SCARB1: variants seen among roughly 807,000 people sequenced by gnomAD.
The protein encoded by SCARB1 is CD36 and LIMPII analogous 1.
A neutral mutation model predicts 57.2 loss-of-function variants in SCARB1; 30 were observed. The ratio of observed to expected loss-of-function variants is 0.52; its 90% confidence interval spans 0.39 to 0.71. The LOEUF is 0.71. Ranked by LOEUF, SCARB1 falls within the 30% of genes least tolerant of loss-of-function variation. SCARB1 has a pLI of 0.00. For synonymous variants in SCARB1, 249 were observed against 268.3 expected, an observed-to-expected ratio of 0.93 and a Z score of 0.70; for missense variants, 543 against 671.2, an observed-to-expected ratio of 0.81 and a Z score of 2.11.
intron 1 of SCARB1, among the ~76,000 whole-genome samples, chr12:124,850,576 G>A (rs910755847): frequency 2.6e-5 from 4 of 151,796 alleles, no homozygotes; most frequent in African/African-American, 9.7e-5. Flanking sequence ...AGGCTGAGGT[G>A]AGAGAATCGC....
chr12:124,850,367 T>C (rs570308732), intron 1 of SCARB1, among the ~76,000 whole-genome samples: 3 of 148,726 alleles, frequency 2.0e-5, no homozygotes, highest in Admixed American at 6.8e-5. Context: ...ACTGAGACCA[T>C]GTCTCAAAAA....
At position 124,800,380 on chromosome 12, in the gene SCARB1, T is replaced by TA; in HGVS notation, c.1010-139_1010-138insT. On this transcript the variant is annotated intron_variant, in intron 7 of 12. Transcript: ENST00000261693. The surrounding 1 kb of genome is among the most constrained non-coding windows in gnomAD (Gnocchi z 4.8). ...AAGATAACCAGACAGAGAGGATCCCTTCCTCCATTCTGTAAAAAGCCCCAG... is the reference window on the plus strand; with the variant it reads ...AAGATAACCAGACAGAGAGGATCCCTATCCTCCATTCTGTAAAAAGCCCCAG... 1.6e-6 allele frequency: 1 copy of TA among 636,088 alleles called. No individual in the cohort carries two copies. The highest frequency in any genetic ancestry group is 2.8e-6 in the Non-Finnish European group (1 of 355,130). 39.4% of individuals were successfully genotyped at this position (636,088 alleles called of 1,614,324 possible).
intron 1 of SCARB1, among the ~76,000 whole-genome samples, chr12:124,859,619 A>G (rs11832116): frequency 0.013 from 2,046 of 152,318 alleles, 45 homozygotes; most frequent in African/African-American, 0.046. Flanking sequence ...TCATTAGAGT[A>G]GCCACTTCTG....
At position 124,787,335 on chromosome 12, in the gene SCARB1, C is replaced by G. The variant is rs1005205717; in HGVS notation, c.1254+71G>C. 8.4e-6 allele frequency: 12 copies of G among 1,433,666 alleles called. No homozygotes were observed. In the East Asian group the frequency reaches 1.9e-4, roughly 22 times the overall value. 88.8% of individuals were successfully genotyped at this position (1,433,666 alleles called of 1,614,324 possible). On this transcript the variant is annotated intron_variant, in intron 10 of 12. Coordinates refer to ENST00000261693, the MANE Select transcript of SCARB1 (RefSeq NM_005505.5). ...CTCCCTTTCTACAAGCTGCTCCCCCCGCCTCCTGCCTCAAATGCCCACATT... is the reference window on the plus strand; with the variant it reads ...CTCCCTTTCTACAAGCTGCTCCCCCGGCCTCCTGCCTCAAATGCCCACATT...
Position 124,796,144 on chromosome 12 carries a change from G to C in SCARB1, c.1129-876C>G, listed in dbSNP as rs559244575. 6.6e-6 allele frequency among the ~76,000 whole-genome samples: 1 copy of C among 152,208 alleles called. No homozygotes were observed. Among genetic ancestry groups the C allele is most frequent in the Non-Finnish European group, 1.5e-5 (1 of 68,038 alleles). The stretch of plus-strand genomic sequence containing the variant: ...AATTTTTGTATTTTTAGTAAAGACA[G>C]GGTTTCACCATGTTGACCAGGCTGG... On this transcript the variant is annotated intron_variant, in intron 8 of 12. Transcript: ENST00000261693. This position sits in a 1 kb window ranked among gnomAD's most constrained non-coding sequence, Gnocchi z 4.0.
chr12:124,815,192 C>G (rs1282582209), intron 2 of SCARB1, 78 bp from the exon 3 acceptor site: 2 of 1,543,906 alleles, frequency 1.3e-6, no homozygotes, highest in African/African-American at 2.7e-5. Flanking sequence ...GCAATGCCTG[C>G]CTGGGAACCA....
At chr12:124,862,836 C>A (rs1421444433) in intron 1 of SCARB1, among the ~76,000 whole-genome samples, 1 of 152,226 alleles carries the variant, frequency 6.6e-6, no homozygotes, top group Non-Finnish European at 1.5e-5. Flanking sequence ...CAGCTGACCG[C>A]CTAATCTGTC....
chr12:124,825,605 A>G (rs1301198221), intron 1 of SCARB1, among the ~76,000 whole-genome samples: 9 of 151,880 alleles, frequency 5.9e-5, no homozygotes, highest in African/African-American at 2.2e-4. Flanking sequence ...CAGGAGGCGG[A>G]GGTTGCAGTG....
chr12:124,861,600 C>A (rs1157603561), intron 1 of SCARB1, among the ~76,000 whole-genome samples: 1 of 152,244 alleles, frequency 6.6e-6, no homozygotes, highest in Non-Finnish European at 1.5e-5. Flanking sequence ...GTCCCCTGAA[C>A]ACAGGCTCTC....
At chr12:124,834,916 A>C (rs982432949) in intron 1 of SCARB1, among the ~76,000 whole-genome samples, 2 of 151,976 alleles carry the variant, frequency 1.3e-5, no homozygotes, top group African/African-American at 4.8e-5. Flanking sequence ...CACCCCCCCA[A>C]AAAAAAGGCG....
chr12:124,799,161 A>G (rs1370593227), intron 8 of SCARB1, among the ~76,000 whole-genome samples: 2 of 152,238 alleles, frequency 1.3e-5, no homozygotes, highest in Non-Finnish European at 2.9e-5. Context: ...GGTATTCCAC[A>G]AGTTATATAC....
At chr12:124,828,170 G>C (rs1455761472) in intron 1 of SCARB1, among the ~76,000 whole-genome samples, 1 of 151,906 alleles carries the variant, frequency 6.6e-6, no homozygotes. Context: ...GTTTAGGCCG[G>C]GGCAACAACT....
intron 1 of SCARB1, chr12:124,821,377 C>G (rs1950951561): frequency 1.0e-6 from 1 of 985,298 alleles, no homozygotes; most frequent in Non-Finnish European, 1.2e-6. Context: ...TTTGGAATCT[C>G]ACCATGCTTT....
intron 1 of SCARB1, among the ~76,000 whole-genome samples, chr12:124,842,643 C>A (rs6488944): frequency 0.96 from 146,735 of 152,288 alleles, 70,969 homozygotes; most frequent in East Asian, 1. Context: ...ACTCTGAAAA[C>A]AGCCCTGAAA....
In SCARB1 at chr12:124,817,020, A is replaced by ATGTGTG. The variant is rs71092225; in HGVS notation, c.284+524_284+529dup. Among the ~76,000 whole-genome samples the ATGTGTG allele has an allele frequency of 6.2e-5, 9 of 146,172 alleles. No homozygotes were observed. Among genetic ancestry groups the ATGTGTG allele is most frequent in the South Asian group, 4.5e-4 (2 of 4,480 alleles). On this transcript the variant is annotated intron_variant, in intron 2 of 12. Transcript: ENST00000261693. This position sits in a 1 kb window ranked among gnomAD's most constrained non-coding sequence, Gnocchi z 4.8. ...GGTCGGTCCCTGCTCCTGGTCATGC[A>ATGTGTG]TGTGTGTGTGTGTGTGTGTGTGTGT... is the stretch of plus-strand genomic sequence containing the variant.
rs375338493 is a variant in SCARB1 at position 124,808,948 on chromosome 12, T to C, written c.843-1021A>G. ...TTCACCAATTTCTTGTTACTTGTAT[T>C]AATGCAGCCACTAAAAAATTTTAAA... On this transcript the variant is annotated intron_variant, in intron 6 of 12. Transcript: ENST00000261693. Among the ~76,000 whole-genome samples the C allele has an allele frequency of 1.2e-4, 19 of 152,346 alleles. No individual in the cohort carries two copies. In the East Asian group the frequency reaches 1.3e-3, roughly 11 times the overall value.
chr12:124,782,863 G>A, intron 11 of SCARB1, 52 bp from the exon 12 acceptor site: 1 of 1,596,062 alleles, frequency 6.3e-7, no homozygotes, highest in Non-Finnish European at 8.6e-7. Context: ...ACATAAAAAT[G>A]GTTTTACACG....
At chr12:124,815,641 A>G (rs1028531701) in intron 2 of SCARB1, among the ~76,000 whole-genome samples, 10 of 152,322 alleles carry the variant, frequency 6.6e-5, no homozygotes, top group African/African-American at 2.4e-4. Flanking sequence ...TGAGGTGGGC[A>G]GATCACCTGA....
At chr12:124,823,462 T>A (rs1183348069) in intron 1 of SCARB1, among the ~76,000 whole-genome samples, 2 of 152,118 alleles carry the variant, frequency 1.3e-5, no homozygotes, top group East Asian at 3.8e-4. Flanking sequence ...TGGCTAGAAT[T>A]TTTTTTCATG....
Sources: gnomAD v4.1 joint callset for allele counts (sites outside exome capture counted in the v4.1 genomes callset) on GRCh38, gnomAD v4.1.1 for gene constraint, Gnocchi (gnomAD v3.1) non-coding constraint, MANE v1.5 for transcripts, NCBI Gene and HGNC (gene_info 2026-07-23, HGNC 2026-07-21) for gene names.